LHFPL3: variants seen among roughly 807,000 people sequenced by gnomAD.
LHFPL3 encodes the protein LHFPL tetraspan subfamily member 3 protein.
In LHFPL3, 5 loss-of-function variants were observed where a neutral mutation model predicts 19.3. The observed-to-expected ratio is 0.26, with a 90% CI of 0.14 to 0.54. LHFPL3 has a LOEUF of 0.54. LHFPL3 is among the 20% of genes least tolerant of loss of function. LHFPL3 has a pLI of 0.94. For synonymous variants in LHFPL3, 133 were observed against 126.2 expected (o/e 1.05, Z -0.36); for missense variants, 249 against 307.4 (o/e 0.81, Z 1.42).
intron 1 of LHFPL3, among the ~76,000 whole-genome samples, chr7:104,437,848 T>A (rs894252474): frequency 6.6e-6 from 1 of 152,164 alleles, no homozygotes; most frequent in East Asian, 1.9e-4. Context: ...GGGATTTTTT[T>A]AAATGGAGCC....
chr7:104,584,206 G>A (rs1401152247), intron 1 of LHFPL3, among the ~76,000 whole-genome samples: 3 of 151,846 alleles, frequency 2.0e-5, no homozygotes, highest in Non-Finnish European at 4.4e-5. Flanking sequence ...CCTATCGCAA[G>A]GACAAAAAAC....
intron 1 of LHFPL3, among the ~76,000 whole-genome samples, chr7:104,550,831 C>G (rs1331174379): frequency 6.6e-6 from 1 of 152,096 alleles, no homozygotes; most frequent in African/African-American, 2.4e-5. Context: ...TCTAGATTTT[C>G]CTTTAAAGTT....
intron 2 of LHFPL3, among the ~76,000 whole-genome samples, chr7:104,905,204 C>T (rs1792573772): frequency 6.6e-6 from 1 of 152,048 alleles, no homozygotes; most frequent in Admixed American, 6.6e-5. Context: ...GATCCTCCCG[C>T]CTCAGCTTCC....
At chr7:104,640,467 C>T (rs1291659724) in intron 1 of LHFPL3, among the ~76,000 whole-genome samples, 1 of 152,208 alleles carries the variant, frequency 6.6e-6, no homozygotes, top group East Asian at 1.9e-4. Context: ...CTTTTTATGG[C>T]TACATAGTAT....
At chr7:104,472,702 G>A (rs1792935625) in intron 1 of LHFPL3, among the ~76,000 whole-genome samples, 2 of 151,874 alleles carry the variant, frequency 1.3e-5, no homozygotes, top group African/African-American at 2.4e-5. Context: ...GTAAAATTCT[G>A]TCTCATCTAA....
At chr7:104,776,592 T>C (rs1794640373) in intron 2 of LHFPL3, among the ~76,000 whole-genome samples, 2 of 152,188 alleles carry the variant, frequency 1.3e-5, no homozygotes, top group Admixed American at 6.5e-5. Flanking sequence ...AATGTGCTTT[T>C]CTAACACATT....
Position 104,903,336 on chromosome 7 carries a change from A to C in LHFPL3, c.683-2851A>C, listed in dbSNP as rs889719541. On this transcript the variant is annotated intron_variant, in intron 2 of 2. Transcript: ENST00000424859. ...CACCAAAGCAGGCTTTTCTATTATG[A>C]AATTAGGAGTGTACTTACTTGAGAA... Among the ~76,000 whole-genome samples the C allele has an allele frequency of 2.6e-5, 4 of 152,088 alleles. 1 individual carries two copies. The highest frequency in any genetic ancestry group is 9.7e-5 in the African/African-American group (4 of 41,390).
At chr7:104,771,088 C>A (rs1794542364) in intron 2 of LHFPL3, among the ~76,000 whole-genome samples, 1 of 152,100 alleles carries the variant, frequency 6.6e-6, no homozygotes, top group Non-Finnish European at 1.5e-5. Flanking sequence ...TGTAATGAGC[C>A]CTTCCCAGCC....
At chr7:104,629,505 C>T (rs1245612283) in intron 1 of LHFPL3, among the ~76,000 whole-genome samples, 1 of 152,194 alleles carries the variant, frequency 6.6e-6, no homozygotes. Context: ...CTCAAGAAGT[C>T]CACATTTCTC....
At chr7:104,664,953 A>G (rs1343396683) in intron 1 of LHFPL3, among the ~76,000 whole-genome samples, 1 of 152,208 alleles carries the variant, frequency 6.6e-6, no homozygotes, top group Non-Finnish European at 1.5e-5. Flanking sequence ...ACCTCTAGCC[A>G]TCTCTGCTGT....
intron 1 of LHFPL3, among the ~76,000 whole-genome samples, chr7:104,603,062 TTCTTTTTC>T (rs1256877928): frequency 2.2e-5 from 3 of 139,258 alleles, no homozygotes; most frequent in African/African-American, 5.3e-5. Flanking sequence ...TTTTCTTTCT[TTCTTTTTC>T]TTTCTTTCTT....
At chr7:104,407,139 T>C (rs1237351952) in intron 1 of LHFPL3, among the ~76,000 whole-genome samples, 1 of 152,188 alleles carries the variant, frequency 6.6e-6, no homozygotes, top group South Asian at 2.1e-4. Flanking sequence ...AAAATAACTC[T>C]TCCTTTCTTT....
intron 1 of LHFPL3, among the ~76,000 whole-genome samples, chr7:104,479,094 G>T (rs1055187269): frequency 6.6e-6 from 1 of 152,146 alleles, no homozygotes; most frequent in Non-Finnish European, 1.5e-5. Context: ...GTTATCTCTA[G>T]CTCATGTGGT....
At chr7:104,607,718 A>G (rs1262759171) in intron 1 of LHFPL3, among the ~76,000 whole-genome samples, 3 of 152,090 alleles carry the variant, frequency 2.0e-5, no homozygotes, top group African/African-American at 4.8e-5. Flanking sequence ...GCAACCTACA[A>G]AATGGGAGAA....
intron 2 of LHFPL3, among the ~76,000 whole-genome samples, chr7:104,867,225 T>G (rs1791743163): frequency 6.6e-6 from 1 of 151,794 alleles, no homozygotes; most frequent in Non-Finnish European, 1.5e-5. Flanking sequence ...ATAACTAAGA[T>G]CAGAGCAGAA....
At chr7:104,899,781 G>T (rs1437015581) in intron 2 of LHFPL3, among the ~76,000 whole-genome samples, 5 of 152,072 alleles carry the variant, frequency 3.3e-5, no homozygotes, top group African/African-American at 1.2e-4. Flanking sequence ...ACCCAGGTTG[G>T]AGTGCAGTGG....
chr7:104,881,254 T>G (rs1216239660), intron 2 of LHFPL3, among the ~76,000 whole-genome samples: 4 of 152,142 alleles, frequency 2.6e-5, no homozygotes, highest in Non-Finnish European at 5.9e-5. Flanking sequence ...CTCAGCAATG[T>G]GAATTGAAAA....
intron 1 of LHFPL3, among the ~76,000 whole-genome samples, chr7:104,600,618 A>T (rs1293190437): frequency 2.0e-5 from 3 of 152,246 alleles, no homozygotes; most frequent in African/African-American, 7.2e-5. Context: ...TTATGTAGAT[A>T]AAATCCTCTT....
At chr7:104,615,981 TAA>T (rs1210829797) in intron 1 of LHFPL3, among the ~76,000 whole-genome samples, 1 of 151,960 alleles carries the variant, frequency 6.6e-6, no homozygotes, top group Non-Finnish European at 1.5e-5. Context: ...CTCAAGGAAA[TAA>T]GAGAGGACAC....
Sources: gnomAD v4.1 joint callset for allele counts (sites outside exome capture counted in the v4.1 genomes callset) on GRCh38, gnomAD v4.1.1 for gene constraint, MANE v1.5 for transcripts, NCBI Gene and HGNC (gene_info 2026-07-23, HGNC 2026-07-21) for gene names.